The following FREM1 variants were observed in gnomAD, a reference collection of about 807,000 sequenced individuals.
FREM1 encodes FRAS1-related extracellular matrix protein 1.
FREM1 carries 220 observed loss-of-function variants against 210.1 expected under a neutral mutation model. The observed-to-expected ratio is 1.05, with a 90% CI of 0.94 to 1.17. FREM1 has a LOEUF of 1.17. Ranked by LOEUF, FREM1 falls within the 50% of genes most tolerant of loss-of-function variation. The pLI, the probability that FREM1 is intolerant of heterozygous loss-of-function variation, is 0.00. For synonymous variants in FREM1, 1,189 were observed against 980.2 expected, an observed-to-expected ratio of 1.21 and a Z score of -3.98; for missense variants, 3,454 against 2,675.5, an observed-to-expected ratio of 1.29 and a Z score of -6.42.
At chr9:14,844,858 C>A (rs1408975522) in intron 8 of FREM1, among the ~76,000 whole-genome samples, 1 of 152,184 alleles carries the variant, frequency 6.6e-6, no homozygotes, top group African/African-American at 2.4e-5. Flanking sequence ...CCTTCTGGGT[C>A]TTCAAGCCTC....
At chr9:14,766,643 A>C (rs1281637282) in intron 27 of FREM1, among the ~76,000 whole-genome samples, 2 of 152,200 alleles carry the variant, frequency 1.3e-5, no homozygotes, top group Non-Finnish European at 2.9e-5. Context: ...ACCAACAGTC[A>C]AGATTCTGAA....
rs376043438 is a variant in FREM1 at position 14,823,346 on chromosome 9, T to C, written c.2170-19A>G. On this transcript the variant is annotated intron_variant, in intron 12 of 36. Transcript: ENST00000380880. The stretch of plus-strand genomic sequence containing the variant: ...CAGCATGCTGCAAAGTAAGTTGAGA[T>C]GGATATGTGGGTGCTGACTTGCAAG... 1.7e-5 allele frequency: 27 copies of C among 1,607,034 alleles called. No homozygotes were observed. The highest frequency in any genetic ancestry group is 3.3e-5 in the Admixed American group (2 of 59,834).
intron 25 of FREM1, among the ~76,000 whole-genome samples, chr9:14,772,975 C>CA (rs1471277498): frequency 6.6e-6 from 1 of 152,200 alleles, no homozygotes; most frequent in African/African-American, 2.4e-5. Flanking sequence ...ACTCTAGCAA[C>CA]ACGGTCCCGT....
At position 14,813,064 on chromosome 9, in the gene FREM1, C is replaced by G. The variant is rs1165638335; in HGVS notation, c.2641G>C (p.Val881Leu). 1 of 1,592,388 alleles carries G rather than the reference C, an allele frequency of 6.3e-7. No homozygotes were observed. The highest frequency in any genetic ancestry group is 1.1e-5 in the South Asian group (1 of 88,522). Residue 881 changes from valine (V) to leucine (L), a missense_variant and splice_region_variant, in exon 16 of 37, where the codon GTA (valine) becomes CTA (leucine). Physicochemically the swap from Val to Leu is conservative, Grantham distance 32 (BLOSUM62 1). Transcript: ENST00000380880. ...NSAEFVLHVE[V>L]FPVNDEPPVL... ...GGTGGCTCATCGTTGACAGGGAATA[C>G]CTAGGCAATGGAAAAAATGCATGTT...
At chr9:14,809,831 T>C (rs1443668115) in intron 16 of FREM1, among the ~76,000 whole-genome samples, 1 of 152,168 alleles carries the variant, frequency 6.6e-6, no homozygotes. Flanking sequence ...CAGGCACCGA[T>C]ACTGTCTAAT....
Position 14,776,154 on chromosome 9 carries a change from T to C in FREM1, c.4492A>G (p.Thr1498Ala), listed in dbSNP as rs775704318. The C allele has an allele frequency of 6.4e-7, 1 of 1,559,088 alleles. No individual in the cohort carries two copies. Among genetic ancestry groups the C allele is most frequent in the East Asian group, 2.3e-5 (1 of 44,422 alleles). Residue 1498 changes from threonine (T) to alanine (A), a missense_variant, in exon 25 of 37, where the codon ACA becomes GCA. By Grantham distance (58) the Thr-to-Ala change is moderately conservative. Coordinates refer to ENST00000380880, the MANE Select transcript of FREM1 (RefSeq NM_001379081.2). ...LRTEHGVFEI[T>A]LETVDRALPV... ...AGGGCTCTGTCCACAGTCTCCAGTG[T>C]GATCTCAAACACCCCGTGCTCGGTC... is the stretch of plus-strand genomic sequence containing the variant.
intron 17 of FREM1, among the ~76,000 whole-genome samples, 187 bp from the exon 18 acceptor site, chr9:14,807,033 T>C (rs1402893664): frequency 1.3e-5 from 2 of 152,308 alleles, no homozygotes; most frequent in Non-Finnish European, 1.5e-5. Context: ...TGGTAATGAG[T>C]GAATTTACTT....
chr9:14,805,183 A>T lies in FREM1; in HGVS notation c.3275-31T>A, dbSNP rs750373102. On this transcript the variant is annotated intron_variant, in intron 18 of 36. Coordinates refer to ENST00000380880, the MANE Select transcript of FREM1 (RefSeq NM_001379081.2). ...GCACACCAAGATGGAACAGATAAAT[A>T]AAAAAAAAATTTTTCCAAGTTATTG... is the stretch of plus-strand genomic sequence containing the variant. The T allele has an allele frequency of 1.5e-5, 19 of 1,237,500 alleles. No individual in the cohort carries two copies. The South Asian group carries it at 2.3e-4, about 15-fold the overall frequency. The allele number at this position is 1,237,500 out of a possible 1,614,324, so 76.7% of individuals were successfully genotyped here.
Position 14,851,432 on chromosome 9 carries a change from T to C in FREM1, c.1004A>G (p.Asn335Ser). 2.5e-6 allele frequency: 4 copies of C among 1,613,960 alleles called. No individual in the cohort carries two copies. The highest frequency in any genetic ancestry group is 1.1e-5 in the South Asian group (1 of 91,076). Residue 335 changes from asparagine to serine, a missense_variant, in exon 6 of 37, where the codon AAC becomes AGC. Physicochemically the swap from Asn to Ser is conservative, Grantham distance 46 (BLOSUM62 1). Coordinates refer to ENST00000380880, the MANE Select transcript of FREM1 (RefSeq NM_001379081.2). ...GCCCTGGAGCGGGGCTTTAGTAATG[T>C]TGAACACCAGCAAGGGTTTAGGGGT... is the stretch of plus-strand genomic sequence containing the variant. ...DETPKPLLVFNITKAPLQGYV... is the reference protein window; with the variant it reads ...DETPKPLLVFSITKAPLQGYV...
rs79687892 is a variant in FREM1 at position 14,869,759 on chromosome 9, C to A, written c.-267-515G>T. ...TGGGCACACTTCTGACTTTGCTGGG[C>A]AATGAAGACACCTAAGAAACATTTG... On this transcript the variant is annotated intron_variant, in intron 1 of 36. Transcript: ENST00000380880. Among the ~76,000 whole-genome samples, 843 of 152,260 alleles carry A rather than the reference C, an allele frequency of 5.5e-3. 6 individuals are homozygous for A. Among genetic ancestry groups the A allele is most frequent in the African/African-American group, 0.019 (792 of 41,532 alleles).
intron 1 of FREM1, among the ~76,000 whole-genome samples, chr9:14,888,420 C>T (rs532523765): frequency 6.6e-6 from 1 of 152,262 alleles, no homozygotes; most frequent in East Asian, 1.9e-4. Flanking sequence ...CTATAGTATG[C>T]AGGAAATTTA....
chr9:14,849,921 T>TG (rs977375582), intron 6 of FREM1, among the ~76,000 whole-genome samples: 2 of 152,114 alleles, frequency 1.3e-5, no homozygotes, highest in South Asian at 2.1e-4. Context: ...AGGGAAGGCA[T>TG]GGGGGGCCAC....
chr9:14,905,783 C>A (rs774925012), intron 1 of FREM1, among the ~76,000 whole-genome samples: 2 of 151,838 alleles, frequency 1.3e-5, no homozygotes, highest in Non-Finnish European at 2.9e-5. Flanking sequence ...CCCAGCTACT[C>A]GGGAGGCTGA....
chr9:14,756,320 C>CAAAA, intron 29 of FREM1, 54 bp downstream of exon 29: 1 of 1,216,522 alleles, frequency 8.2e-7, no homozygotes, highest in Non-Finnish European at 1.2e-6. Flanking sequence ...GACATGCCTA[C>CAAAA]AAAAAAAAAC....
Position 14,851,341 on chromosome 9 carries a change from G to T in FREM1, c.1095C>A (p.Asp365Glu), listed in dbSNP as rs2131388613. 1 of 1,611,422 alleles carries T rather than the reference G, an allele frequency of 6.2e-7. No individual in the cohort carries two copies. Among genetic ancestry groups the T allele is most frequent in the East Asian group, 2.2e-5 (1 of 44,834 alleles). ...TTGGTGGCTGATAGGCGATCTGCATGTCACTGAGATCTTTCCAGGTGAATG... is the reference window on the plus strand; with the variant it reads ...TTGGTGGCTGATAGGCGATCTGCATTTCACTGAGATCTTTCCAGGTGAATG... ...ISSFTWKDLS[D>E]MQIAYQPPNS... Residue 365 changes from aspartate (D) to glutamate (E), a missense_variant, in exon 6 of 37, where the codon GAC (aspartate) becomes GAA (glutamate). Asp to Glu is a conservative substitution (Grantham distance 45, BLOSUM62 2). Coordinates refer to ENST00000380880, the MANE Select transcript of FREM1 (RefSeq NM_001379081.2).
intron 3 of FREM1, among the ~76,000 whole-genome samples, chr9:14,861,501 TC>T (rs1175303138): frequency 2.1e-5 from 3 of 142,074 alleles, no homozygotes; most frequent in East Asian, 2.3e-4. Context: ...CAAGCATTTA[TC>T]CTTTTTTTTT....
intron 21 of FREM1, among the ~76,000 whole-genome samples, chr9:14,796,822 G>C (rs905642550): frequency 8.5e-5 from 13 of 152,188 alleles, no homozygotes; most frequent in African/African-American, 3.1e-4. Context: ...AGAGCTGTGA[G>C]TAAATTAAAC....
At chr9:14,783,364 G>A (rs1397795747) in intron 24 of FREM1, among the ~76,000 whole-genome samples, 2 of 152,202 alleles carry the variant, frequency 1.3e-5, no homozygotes, top group East Asian at 1.9e-4. Flanking sequence ...GAATAATATA[G>A]GAGTATGCTC....
chr9:14,856,044 C>G (rs1005929986), intron 5 of FREM1, among the ~76,000 whole-genome samples: 4 of 151,938 alleles, frequency 2.6e-5, no homozygotes, highest in African/African-American at 9.7e-5. Context: ...TGAGCTAAAC[C>G]CAGCCTGGTT....
Sources: allele counts gnomAD v4.1 joint callset (sites outside exome capture counted in the v4.1 genomes callset), GRCh38; gene constraint gnomAD v4.1.1; transcripts MANE v1.5; gene names NCBI Gene and HGNC (gene_info 2026-07-23, HGNC 2026-07-21).